Variants in TBXA2R observed in about 807,000 individuals in gnomAD.
TBXA2R encodes prostanoid TP receptor.
TBXA2R carries 15 observed loss-of-function variants against 15.6 expected under a neutral mutation model. That is an observed-to-expected ratio of 0.96 (90% CI 0.64 to 1.48). The LOEUF (loss-of-function observed/expected upper bound fraction) is 1.48. Among genes scored for constraint, TBXA2R ranks in the 40% most tolerant of loss-of-function variants. The pLI, the probability that TBXA2R is intolerant of heterozygous loss-of-function variation, is 0.00. For missense variants in TBXA2R, 506 were observed against 491.4 expected (o/e 1.03, Z -0.28); for synonymous variants, 280 against 241.2 (o/e 1.16, Z -1.49).
At chr19:3,605,401 G>A (rs967972629) in intron 1 of TBXA2R, among the ~76,000 whole-genome samples, 8 of 151,972 alleles carry the variant, frequency 5.3e-5, no homozygotes, top group African/African-American at 1.9e-4. Context: ...AGGCAGAAAT[G>A]TGACAGACAG....
In TBXA2R at chr19:3,595,383, A is replaced by G; in HGVS notation, c.*305T>C. On this transcript the variant is annotated 3_prime_UTR_variant, in exon 3 of 3. Transcript: ENST00000375190. ...GACAGAGCAAGACTCCGTCTAAAAA[A>G]AAAAATAGCAATGCAAGACCCTCTT... 1.2e-5 allele frequency: 16 copies of G among 1,374,566 alleles called. No individual in the cohort carries two copies. The highest frequency in any genetic ancestry group is 1.4e-5 in the Non-Finnish European group (15 of 1,069,852). 85.1% of individuals were successfully genotyped at this position (1,374,566 alleles called of 1,614,324 possible).
rs183803653 is a variant in TBXA2R at position 3,603,160 on chromosome 19, G to A, written c.-83-2443C>T. On this transcript the variant is annotated intron_variant, in intron 1 of 2. Coordinates refer to ENST00000375190, the MANE Select transcript of TBXA2R (RefSeq NM_001060.6). ...GAGGCAGGGCCTGGGCTGTGGGGTC[G>A]CAGCAGCTAACGCATTCCAGGGCGG... Among the ~76,000 whole-genome samples the A allele has an allele frequency of 5.0e-3, 769 of 152,344 alleles. 8 individuals carry two copies. The highest frequency in any genetic ancestry group is 0.017 in the African/African-American group (708 of 41,578).
chr19:3,602,573 C>G (rs2032757797), intron 1 of TBXA2R, among the ~76,000 whole-genome samples: 1 of 151,824 alleles, frequency 6.6e-6, no homozygotes, highest in Admixed American at 6.6e-5. Context: ...CGCATCTCAA[C>G]TAATAAAAAT....
intron 2 of TBXA2R, chr19:3,597,890 C>T (rs1568282681): frequency 6.6e-6 from 1 of 152,032 alleles, no homozygotes. Flanking sequence ...GCTGAGATCG[C>T]ACCACTGCAC....
chr19:3,595,430 T>C lies in TBXA2R; in HGVS notation c.*258A>G. On this transcript the variant is annotated 3_prime_UTR_variant, in exon 3 of 3. Coordinates refer to ENST00000375190, the MANE Select transcript of TBXA2R (RefSeq NM_001060.6). ...TCTTCCAATGTCTGCATGCCCTTCC[T>C]GGGGTTGGGAGGGACGCAGAGAAGG... 3.6e-6 allele frequency: 5 copies of C among 1,402,606 alleles called. No individual in the cohort carries two copies. Among genetic ancestry groups the C allele is most frequent in the Non-Finnish European group, 4.6e-6 (5 of 1,083,434 alleles). The allele number at this position is 1,402,606 out of a possible 1,614,324, so 86.9% of individuals were successfully genotyped here. A position where few individuals can be genotyped will look rare whatever the true frequency, so the allele number is the denominator to read the frequency against.
In TBXA2R at chr19:3,595,595, C is replaced by T; in HGVS notation, c.*93G>A. 1 of 1,471,434 alleles carries T rather than the reference C, an allele frequency of 6.8e-7. No individual in the cohort carries two copies. Among genetic ancestry groups the T allele is most frequent in the Non-Finnish European group, 9.0e-7 (1 of 1,108,862 alleles). 91.1% of individuals were successfully genotyped at this position (1,471,434 alleles called of 1,614,324 possible). A position where few individuals can be genotyped will look rare whatever the true frequency, so the allele number is the denominator to read the frequency against. ...CTGATGCCCACTGTCCATCCAGCAC[C>T]CCCAGCCCCTGAATCCTCAGAACAG... On this transcript the variant is annotated 3_prime_UTR_variant, in exon 3 of 3. Coordinates refer to ENST00000375190, the MANE Select transcript of TBXA2R (RefSeq NM_001060.6).
rs555842062 is a variant in TBXA2R, at chr19:3,595,857, T to C, written c.863A>G (p.Lys288Arg). The C allele has an allele frequency of 4.3e-6, 7 of 1,610,878 alleles. No homozygotes were observed. The East Asian group carries it at 1.6e-4, about 36-fold the overall frequency. Residue 288 changes from lysine to arginine, a missense_variant, in exon 3 of 3, where the codon AAG (lysine) becomes AGG (arginine). Transcript: ENST00000375190. Reference sequence around the variant, plus strand: ...CACGCGCAAGTAGATGAGCAGCTCCTTCTCCGTGGTGCGGGACAGCTGCCC... The same window carrying C: ...CACGCGCAAGTAGATGAGCAGCTCCCTCTCCGTGGTGCGGGACAGCTGCCC... ...PAGQLSRTTEKELLIYLRVAT... is the reference protein window; with the variant it reads ...PAGQLSRTTERELLIYLRVAT...
intron 1 of TBXA2R, among the ~76,000 whole-genome samples, chr19:3,605,087 G>A (rs1270526898): frequency 6.6e-6 from 1 of 152,204 alleles, no homozygotes; most frequent in East Asian, 1.9e-4. Flanking sequence ...GTGCAGGGCG[G>A]GGACTCCCCC....
Position 3,594,511 on chromosome 19 carries a change from T to G in TBXA2R, c.*1177A>C. The G allele has an allele frequency of 3.4e-5, 6 of 178,532 alleles. No homozygotes were observed. The highest frequency in any genetic ancestry group is 5.7e-5 in the Admixed American group (1 of 17,448). 11.1% of individuals were successfully genotyped at this position (178,532 alleles called of 1,614,324 possible). On this transcript the variant is annotated 3_prime_UTR_variant, in exon 3 of 3. Coordinates refer to ENST00000375190, the MANE Select transcript of TBXA2R (RefSeq NM_001060.6). Reference sequence around the variant, plus strand: ...GGCATGAACAATCGCGCCCGGCCCATTTATATCTACTTTTAATGACACACA... The same window carrying G: ...GGCATGAACAATCGCGCCCGGCCCAGTTATATCTACTTTTAATGACACACA...
chr19:3,604,903 G>C (rs1001644477), intron 1 of TBXA2R, among the ~76,000 whole-genome samples: 2 of 152,132 alleles, frequency 1.3e-5, no homozygotes, highest in South Asian at 2.1e-4. Flanking sequence ...TTCAGGGACC[G>C]GCCAGACCCT....
intron 2 of TBXA2R, among the ~76,000 whole-genome samples, chr19:3,599,648 G>A (rs1345254275): frequency 2.6e-5 from 4 of 152,000 alleles, no homozygotes; most frequent in Non-Finnish European, 4.4e-5. Flanking sequence ...TGTATTTTTA[G>A]TAGAGACAGG....
chr19:3,605,081 A>G (rs2032804695), intron 1 of TBXA2R, among the ~76,000 whole-genome samples: 1 of 152,184 alleles, frequency 6.6e-6, no homozygotes, highest in Non-Finnish European at 1.5e-5. Flanking sequence ...CACACAGTGC[A>G]GGGCGGGGAC....
chr19:3,601,478 T>C (rs2032737379), intron 1 of TBXA2R, among the ~76,000 whole-genome samples: 1 of 151,576 alleles, frequency 6.6e-6, no homozygotes, highest in African/African-American at 2.4e-5. Context: ...TGAGCTACAA[T>C]TGTGCCACTG....
In TBXA2R at chr19:3,599,102, C is replaced by T. The variant is rs531757628; in HGVS notation, c.786+747G>A. On this transcript the variant is annotated intron_variant, in intron 2 of 2. Transcript: ENST00000375190. Reference sequence around the variant, plus strand: ...ATCTATCCATCAGTAGTTTTATTGGCCACAGCCACGCCTACTCATTTATGT... The same window carrying T: ...ATCTATCCATCAGTAGTTTTATTGGTCACAGCCACGCCTACTCATTTATGT... Among the ~76,000 whole-genome samples, 9 of 152,284 alleles carry T rather than the reference C, an allele frequency of 5.9e-5. No homozygotes were observed. The South Asian group carries it at 1.2e-3, about 21-fold the overall frequency.
At chr19:3,602,049 G>A (rs1039423029) in intron 1 of TBXA2R, among the ~76,000 whole-genome samples, 2 of 150,822 alleles carry the variant, frequency 1.3e-5, no homozygotes, top group Admixed American at 1.3e-4. Flanking sequence ...GTGAAACCCT[G>A]TCTCTACTAA....
At chr19:3,598,350 C>CTTT (rs1177792648) in intron 2 of TBXA2R, among the ~76,000 whole-genome samples, 9 of 56,580 alleles carry the variant, frequency 1.6e-4, no homozygotes, top group African/African-American at 3.1e-4. Context: ...CTTTTCTTTT[C>CTTT]TTTTTTTTTT....
In TBXA2R at chr19:3,595,966, C is replaced by T. The variant is rs534696521; in HGVS notation, c.787-33G>A. ...GGGGAGAGCTGTCAGCCTGGGCCCC[C>T]GCCTCCAGCCCCGCCCGCCCCGGTC... is the stretch of plus-strand genomic sequence containing the variant. On this transcript the variant is annotated intron_variant, in intron 2 of 2. Transcript: ENST00000375190. 2.3e-5 allele frequency: 36 copies of T among 1,564,588 alleles called. 2 individuals are homozygous for T. The South Asian group carries it at 3.6e-4, about 16-fold the overall frequency.
In TBXA2R at chr19:3,594,774, G is replaced by T. The variant is rs1306464321; in HGVS notation, c.*914C>A. The T allele has an allele frequency of 1.0e-5, 15 of 1,436,984 alleles. No individual in the cohort carries two copies. Among genetic ancestry groups the T allele is most frequent in the Non-Finnish European group, 1.4e-5 (15 of 1,067,608 alleles). 89.0% of individuals were successfully genotyped at this position (1,436,984 alleles called of 1,614,324 possible). On this transcript the variant is annotated 3_prime_UTR_variant, in exon 3 of 3. Coordinates refer to ENST00000375190, the MANE Select transcript of TBXA2R (RefSeq NM_001060.6). ...GAGATTGAAAACTTCTGGACCCAAA[G>T]GAAAATAAAACCAAAGGCAGAGATA...
At chr19:3,606,021 A>C (rs566083253) in intron 1 of TBXA2R, among the ~76,000 whole-genome samples, 1 of 152,192 alleles carries the variant, frequency 6.6e-6, no homozygotes, top group Non-Finnish European at 1.5e-5. Context: ...AGACACAGAA[A>C]GACACACAGA....
Sources: allele counts gnomAD v4.1 joint callset (sites outside exome capture counted in the v4.1 genomes callset), GRCh38; gene constraint gnomAD v4.1.1; transcripts MANE v1.5; gene names NCBI Gene and HGNC (gene_info 2026-07-23, HGNC 2026-07-21).